DPP10: variants seen among roughly 807,000 people sequenced by gnomAD.
DPP10 encodes the protein dipeptidyl peptidase like 10, also known as inactive dipeptidyl peptidase 10.
A neutral mutation model predicts 120.9 loss-of-function variants in DPP10; 33 were observed. The observed-to-expected ratio is 0.27, with a 90% CI of 0.21 to 0.37. The LOEUF (loss-of-function observed/expected upper bound fraction) is 0.37, where lower values mean the gene tolerates loss of function less well. DPP10 is among the 10% of genes least tolerant of loss of function. The probability of loss-of-function intolerance (pLI) is 1.00; values close to 1 mark genes in which losing one functional copy is unlikely to be tolerated. For synonymous variants in DPP10, 337 were observed against 326.1 expected, an observed-to-expected ratio of 1.03 and a Z score of -0.36; for missense variants, 816 against 942.8, an observed-to-expected ratio of 0.87 and a Z score of 1.76.
chr2:114,733,896 C>A (rs900487055), intron 1 of DPP10, among the ~76,000 whole-genome samples: 1 of 152,110 alleles, frequency 6.6e-6, no homozygotes, highest in East Asian at 1.9e-4. Flanking sequence ...TTAGGAATAT[C>A]ATTTTACTAA....
intron 3 of DPP10, among the ~76,000 whole-genome samples, chr2:115,457,747 G>A (rs139295421): frequency 6.6e-6 from 1 of 152,048 alleles, no homozygotes; most frequent in Non-Finnish European, 1.5e-5. Context: ...GGGAGACAAC[G>A]TGACAGTTTC....
At chr2:115,468,192 T>C (rs574430654) in intron 3 of DPP10, 2 of 494,076 alleles carry the variant, frequency 4.0e-6, no homozygotes, top group Admixed American at 4.1e-5. Flanking sequence ...AGTGATGGCA[T>C]CTATATCCTA....
At position 115,361,002 on chromosome 2, in the gene DPP10, G is replaced by C. The variant is rs116516279; in HGVS notation, c.271+17090G>C. On this transcript the variant is annotated intron_variant, in intron 3 of 25. Transcript: ENST00000410059. ...AGGTCTCCTTCCAGTGTCTGTCCCAGTACTGAGCTTGCCCAGCTAGTTTTG... is the reference window on the plus strand; with the variant it reads ...AGGTCTCCTTCCAGTGTCTGTCCCACTACTGAGCTTGCCCAGCTAGTTTTG... Among the ~76,000 whole-genome samples, 226 of 152,246 alleles carry C rather than the reference G, an allele frequency of 1.5e-3. 2 individuals are homozygous for C. The highest frequency in any genetic ancestry group is 5.3e-3 in the African/African-American group (221 of 41,572).
chr2:114,858,642 C>T (rs1166775646), intron 1 of DPP10, among the ~76,000 whole-genome samples: 2 of 152,148 alleles, frequency 1.3e-5, no homozygotes, highest in African/African-American at 2.4e-5. Context: ...TCCATTGAAA[C>T]TCTGAAAATG....
At chr2:115,031,912 T>C (rs1236758936) in intron 1 of DPP10, among the ~76,000 whole-genome samples, 1 of 152,180 alleles carries the variant, frequency 6.6e-6, no homozygotes, top group Non-Finnish European at 1.5e-5. Context: ...ATATATAATA[T>C]ACTACGACAA....
chr2:115,111,947 G>T (rs1034560269), intron 1 of DPP10, among the ~76,000 whole-genome samples: 2 of 152,164 alleles, frequency 1.3e-5, no homozygotes, highest in Non-Finnish European at 2.9e-5. Context: ...TTCCTGCTGT[G>T]TGGTGTACAT....
intron 1 of DPP10, among the ~76,000 whole-genome samples, chr2:114,650,847 A>G (rs1378670879): frequency 6.6e-6 from 1 of 152,172 alleles, no homozygotes; most frequent in Non-Finnish European, 1.5e-5. Flanking sequence ...CATTGAAGAT[A>G]CCATGTTTTT....
chr2:115,446,642 T>C (rs1210865991), intron 3 of DPP10, among the ~76,000 whole-genome samples: 1 of 152,096 alleles, frequency 6.6e-6, no homozygotes, highest in Non-Finnish European at 1.5e-5. Flanking sequence ...GGAGAGAGAC[T>C]TTTTGTGTCT....
intron 19 of DPP10, among the ~76,000 whole-genome samples, chr2:115,808,909 C>A (rs1686321842): frequency 1.3e-5 from 2 of 152,154 alleles, no homozygotes; most frequent in African/African-American, 4.8e-5. Flanking sequence ...GAGATAGGGT[C>A]TTGGTAGCGG....
chr2:115,146,589 A>T (rs1404993042), intron 1 of DPP10, among the ~76,000 whole-genome samples: 2 of 140,594 alleles, frequency 1.4e-5, no homozygotes, highest in African/African-American at 5.5e-5. Flanking sequence ...ACAACAGGGG[A>T]AAAAAAAAAA....
At chr2:114,785,778 A>G (rs138123029) in intron 1 of DPP10, among the ~76,000 whole-genome samples, 1 of 152,286 alleles carries the variant, frequency 6.6e-6, no homozygotes, top group African/African-American at 2.4e-5. Flanking sequence ...TTCAGAATTT[A>G]TTGTATTTTA....
intron 1 of DPP10, among the ~76,000 whole-genome samples, chr2:114,780,812 T>G (rs976849743): frequency 6.6e-6 from 1 of 152,126 alleles, no homozygotes; most frequent in Non-Finnish European, 1.5e-5. Flanking sequence ...TTTTTATCTT[T>G]AGTATCATGA....
At chr2:114,965,733 C>G (rs1006617037) in intron 1 of DPP10, among the ~76,000 whole-genome samples, 1 of 151,690 alleles carries the variant, frequency 6.6e-6, no homozygotes, top group Admixed American at 6.6e-5. Context: ...AATCCCAGCA[C>G]TTTGGGAGGC....
intron 1 of DPP10, among the ~76,000 whole-genome samples, chr2:114,468,363 C>A (rs956153437): frequency 3.7e-5 from 4 of 109,014 alleles, no homozygotes; most frequent in Non-Finnish European, 5.1e-5. Flanking sequence ...CCTGGAAACA[C>A]ATTTCATTGG....
intron 2 of DPP10, among the ~76,000 whole-genome samples, chr2:115,343,293 A>T (rs936016156): frequency 6.6e-6 from 1 of 152,132 alleles, no homozygotes; most frequent in Non-Finnish European, 1.5e-5. Flanking sequence ...AGTCAAATCT[A>T]CTTTGTATTT....
At chr2:114,840,699 T>G (rs1688087134) in intron 1 of DPP10, among the ~76,000 whole-genome samples, 1 of 152,186 alleles carries the variant, frequency 6.6e-6, no homozygotes, top group Non-Finnish European at 1.5e-5. Flanking sequence ...CTCCTCCAAC[T>G]GTATTTGATT....
At chr2:115,067,861 C>CAAAA (rs201964006) in intron 1 of DPP10, among the ~76,000 whole-genome samples, 1 of 86,842 alleles carries the variant, frequency 1.2e-5, no homozygotes, top group African/African-American at 4.0e-5. Flanking sequence ...GACTCTGTCT[C>CAAAA]AAAAAAAAAA....
At chr2:115,146,876 G>C (rs944644425) in intron 1 of DPP10, among the ~76,000 whole-genome samples, 7 of 152,060 alleles carry the variant, frequency 4.6e-5, no homozygotes, top group African/African-American at 7.2e-5. Context: ...GTGGACCCTC[G>C]CCAGACTCCA....
At chr2:115,747,594 C>CTTTTTTTTTTTTTTT (rs3980905) in intron 10 of DPP10, among the ~76,000 whole-genome samples, 7 of 141,228 alleles carry the variant, frequency 5.0e-5, no homozygotes, top group Non-Finnish European at 9.1e-5. Flanking sequence ...ATCCCCTTGT[C>CTTTTTTTTTTTTTTT]TTTTTTTTTT....
Sources: gnomAD v4.1 joint callset for allele counts (sites outside exome capture counted in the v4.1 genomes callset) on GRCh38, gnomAD v4.1.1 for gene constraint, MANE v1.5 for transcripts, NCBI Gene and HGNC (gene_info 2026-07-23, HGNC 2026-07-21) for gene names.